MOV10L1: variants seen among roughly 807,000 people sequenced by gnomAD.
The protein encoded by MOV10L1 is Mov10 like RNA helicase 1, also known as RNA helicase Mov10l1.
MOV10L1 carries 110 observed loss-of-function variants against 143.8 expected under a neutral mutation model. The ratio of observed to expected loss-of-function variants is 0.76; its 90% CI spans 0.66 to 0.90. The LOEUF (loss-of-function observed/expected upper bound fraction) is 0.90, where lower values mean the gene tolerates loss of function less well. Among genes scored for constraint, MOV10L1 ranks in the 40% least tolerant of loss-of-function variants. The probability of loss-of-function intolerance (pLI) is 0.00; values close to 1 mark genes in which losing one functional copy is unlikely to be tolerated. For synonymous variants in MOV10L1, 593 were observed against 581.1 expected (o/e 1.02, Z -0.29); for missense variants, 1,406 against 1,526.8 (o/e 0.92, Z 1.32).
chr22:50,092,171 C>T lies in MOV10L1; in HGVS notation c.268C>T (p.Leu90=). The T allele has an allele frequency of 6.2e-7, 1 of 1,613,822 alleles. No individual in the cohort carries two copies. Among genetic ancestry groups the T allele is most frequent in the Non-Finnish European group, 8.5e-7 (1 of 1,179,884 alleles). The change falls in exon 2 of 27, where the codon CTG becomes TTG. Residue 90 remains leucine, a synonymous_variant. Coordinates refer to ENST00000262794, the MANE Select transcript of MOV10L1 (RefSeq NM_018995.3). ...VVEENKVSNG[L]KAIRVEAVSD... ...GGAAGAAAATAAAGTGTCCAATGGA[C>T]TGAAAGCAATCAGGGTAAGGTTTGA...
At chr22:50,150,000 C>T (rs764662118) in intron 20 of MOV10L1, among the ~76,000 whole-genome samples, 22 of 152,336 alleles carry the variant, frequency 1.4e-4, no homozygotes, top group Non-Finnish European at 2.6e-4. Context: ...GTGAGCCGGC[C>T]GTTCAGTGCC....
chr22:50,095,479 A>G (rs1332508560), intron 2 of MOV10L1: 2 of 152,170 alleles, frequency 1.3e-5, no homozygotes, highest in African/African-American at 4.8e-5. Flanking sequence ...TATTTAAAGG[A>G]GTACTCTGGG....
In MOV10L1 at chr22:50,090,165, T is replaced by C; in HGVS notation, c.77T>C (p.Leu26Pro). The part of the protein sequence containing the change: ...ADTPREEAGQ[L>P]EPELAEGDTK... Reference sequence around the variant, plus strand: ...ACCCCTAGGGAGGAAGCCGGGCAGCTGGAGCCCGAGCTCGCGGAAGGTGGC... The same window carrying C: ...ACCCCTAGGGAGGAAGCCGGGCAGCCGGAGCCCGAGCTCGCGGAAGGTGGC... Residue 26 changes from leucine (L) to proline (P), a missense_variant, in exon 1 of 27, where the codon CTG becomes CCG. Leu to Pro is a moderately conservative substitution (Grantham distance 98). Around this residue, in one of 3 missense-constraint regions of MOV10L1, gnomAD observed 166 missense variants for 153.9 expected, o/e 1.08. Transcript: ENST00000262794. The C allele has an allele frequency of 1.4e-6, 2 of 1,422,394 alleles. No homozygotes were observed. The highest frequency in any genetic ancestry group is 9.2e-7 in the Non-Finnish European group (1 of 1,089,950). 88.1% of individuals were successfully genotyped at this position (1,422,394 alleles called of 1,614,324 possible).
At chr22:50,098,462 C>T (rs2062653413) in intron 2 of MOV10L1, among the ~76,000 whole-genome samples, 1 of 152,168 alleles carries the variant, frequency 6.6e-6, no homozygotes, top group Admixed American at 6.5e-5. Flanking sequence ...GAGGAATTAA[C>T]CTATTAACCT....
chr22:50,152,202 G>A lies in MOV10L1; in HGVS notation c.2893-843G>A, dbSNP rs923629326. Among the ~76,000 whole-genome samples, 2 of 152,352 alleles carry A rather than the reference G, an allele frequency of 1.3e-5. No homozygotes were observed. Among genetic ancestry groups the A allele is most frequent in the Non-Finnish European group, 2.9e-5 (2 of 68,030 alleles). ...GGCTTTGTTAACTCATCCCAAGGAG[G>A]GAGAGCCCTAGGCTTGTTCTCCCCA... is the stretch of plus-strand genomic sequence containing the variant. On this transcript the variant is annotated intron_variant, in intron 21 of 26. Transcript: ENST00000262794. The surrounding 1 kb of genome is among the most constrained non-coding windows in gnomAD (Gnocchi z 4.4).
Position 50,158,043 on chromosome 22 carries a change from C to T in MOV10L1, c.3067-14C>T. 6.2e-7 allele frequency: 1 copy of T among 1,606,808 alleles called. No individual in the cohort carries two copies. Among genetic ancestry groups the T allele is most frequent in the Non-Finnish European group, 8.5e-7 (1 of 1,175,622 alleles). Reference sequence around the variant, plus strand: ...TCATGAAGTAAAGTAGGTTTTCTCTCCTCATCAACCCAGGGCAGCGAGGCA... The same window carrying T: ...TCATGAAGTAAAGTAGGTTTTCTCTTCTCATCAACCCAGGGCAGCGAGGCA... On this transcript the variant is annotated splice_polypyrimidine_tract_variant and intron_variant, in intron 22 of 26. Transcript: ENST00000262794. This position sits in a 1 kb window ranked among gnomAD's most constrained non-coding sequence, Gnocchi z 5.0.
At chr22:50,149,021 A>G (rs887302971) in intron 19 of MOV10L1, among the ~76,000 whole-genome samples, 19 of 152,198 alleles carry the variant, frequency 1.2e-4, no homozygotes, top group Admixed American at 2.6e-4. Context: ...GCCTCAGCCT[A>G]TTGGCATGCA....
rs959106905 is a variant in MOV10L1, at chr22:50,135,966, G to C, written c.2070+1336G>C. Among the ~76,000 whole-genome samples the C allele has an allele frequency of 2.0e-5, 3 of 152,012 alleles. No individual in the cohort carries two copies. In the East Asian group the frequency reaches 5.8e-4, roughly 29 times the overall value. ...GTGCTATTCAAATTTGGTTTTATGA[G>C]CATGTTTTCAATGTATAACATGAAT... On this transcript the variant is annotated intron_variant, in intron 15 of 26. Transcript: ENST00000262794.
At position 50,106,300 on chromosome 22, in the gene MOV10L1, T is replaced by C. The variant is rs548240565; in HGVS notation, c.443-1836T>C. Reference sequence around the variant, plus strand: ...CTCGTGAGTAGCTGGGACTTCAGGCTCATGCCACCACACCCCAACTAATTC... The same window carrying C: ...CTCGTGAGTAGCTGGGACTTCAGGCCCATGCCACCACACCCCAACTAATTC... On this transcript the variant is annotated intron_variant, in intron 3 of 26. Coordinates refer to ENST00000262794, the MANE Select transcript of MOV10L1 (RefSeq NM_018995.3). Among the ~76,000 whole-genome samples, 33 of 149,808 alleles carry C rather than the reference T, an allele frequency of 2.2e-4. No homozygotes were observed. In the South Asian group the frequency reaches 7.0e-3, roughly 32 times the overall value.
intron 5 of MOV10L1, among the ~76,000 whole-genome samples, chr22:50,111,217 A>G (rs1248610083): frequency 2.6e-5 from 4 of 152,226 alleles, no homozygotes; most frequent in East Asian, 3.8e-4. Context: ...GAGGCCTTCA[A>G]TATTTAAAAG....
chr22:50,112,763 A>G (rs2062057985), intron 5 of MOV10L1, among the ~76,000 whole-genome samples: 1 of 152,214 alleles, frequency 6.6e-6, no homozygotes, highest in Non-Finnish European at 1.5e-5. Flanking sequence ...TCCCGTGGCA[A>G]GAGCTCCGCA....
chr22:50,099,063 A>G (rs1031637126), intron 2 of MOV10L1, among the ~76,000 whole-genome samples: 5 of 152,180 alleles, frequency 3.3e-5, no homozygotes, highest in Non-Finnish European at 5.9e-5. Context: ...TTGGTTTGAT[A>G]ATATTTCATT....
chr22:50,117,204 T>C lies in MOV10L1; in HGVS notation c.1307T>C (p.Phe436Ser). 6.2e-7 allele frequency: 1 copy of C among 1,612,106 alleles called. No homozygotes were observed. The highest frequency in any genetic ancestry group is 1.1e-5 in the South Asian group (1 of 90,544). ...KELLLLCFSD[F>S]LIGRYLEVNV... is the part of the protein sequence containing the mutation. ...CTCCTTTTGCTCTGTTTTTCCGATT[T>C]CCTAATTGGGCGATACCTTGAAGTA... Residue 436 changes from phenylalanine (F) to serine (S), a missense_variant, in exon 9 of 27, where the codon TTC (phenylalanine) becomes TCC (serine). This residue lies in a region of MOV10L1 where 1,233 missense variants were observed against 1,351.4 expected (regional missense o/e 0.91). Transcript: ENST00000262794.
chr22:50,154,687 C>T (rs1602361163), intron 22 of MOV10L1, among the ~76,000 whole-genome samples: 1 of 152,192 alleles, frequency 6.6e-6, no homozygotes, highest in Non-Finnish European at 1.5e-5. Context: ...TGAAGCCCCT[C>T]GTTCTCGTCG....
chr22:50,113,288 C>T lies in MOV10L1; in HGVS notation c.744-360C>T, dbSNP rs184869449. On this transcript the variant is annotated intron_variant, in intron 5 of 26. Coordinates refer to ENST00000262794, the MANE Select transcript of MOV10L1 (RefSeq NM_018995.3). ...GGAGCCCTAATAGGCAAGGCCCATG[C>T]TTCCCCCACCACCACCTTGGGAGTT... 1.5e-3 allele frequency among the ~76,000 whole-genome samples: 223 copies of T among 152,344 alleles called. 4 individuals carry two copies. Among genetic ancestry groups the T allele is most frequent in the East Asian group, 1.3e-3 (7 of 5,188 alleles).
At chr22:50,134,720 GTC>G (rs2062774160) in intron 15 of MOV10L1, 90 bp downstream of exon 15, 4 of 1,102,072 alleles carry the variant, frequency 3.6e-6, no homozygotes, top group Non-Finnish European at 2.7e-6. Context: ...CGGCGTGACT[GTC>G]TCTACACAGG....
intron 3 of MOV10L1, among the ~76,000 whole-genome samples, chr22:50,107,140 T>C (rs1357023964): frequency 6.6e-6 from 1 of 151,146 alleles, no homozygotes; most frequent in Non-Finnish European, 1.5e-5. Flanking sequence ...AGTGGCGTGA[T>C]CTCAGCTCAC....
chr22:50,101,924 A>G (rs2061754959), intron 3 of MOV10L1, among the ~76,000 whole-genome samples: 2 of 152,210 alleles, frequency 1.3e-5, no homozygotes, highest in African/African-American at 2.4e-5. Context: ...AAAGGCGCCT[A>G]TAATCATGGA....
intron 16 of MOV10L1, 117 bp from the exon 17 acceptor site, chr22:50,142,926 T>C: frequency 1.1e-6 from 1 of 870,708 alleles, no homozygotes; most frequent in Non-Finnish European, 1.8e-6. Flanking sequence ...ACTCCCTGTC[T>C]GTGACTCTGA....
Sources: allele counts gnomAD v4.1 joint callset (sites outside exome capture counted in the v4.1 genomes callset), GRCh38; gene constraint gnomAD v4.1.1; regional missense constraint gnomAD v4.1.1; non-coding constraint Gnocchi (gnomAD v3.1); transcripts MANE v1.5; gene names NCBI Gene and HGNC (gene_info 2026-07-23, HGNC 2026-07-21).